Variants in ECE1 observed in about 807,000 individuals in gnomAD.
ECE1 encodes endothelin converting enzyme 1.
ECE1 carries 35 observed loss-of-function variants against 98.6 expected under a neutral mutation model. The observed-to-expected ratio is 0.35, with a 90% CI of 0.27 to 0.47. The LOEUF is 0.47. Ranked by LOEUF, ECE1 falls within the 20% of genes least tolerant of loss-of-function variation. ECE1 has a pLI of 1.00. For synonymous variants in ECE1, 394 were observed against 407.1 expected (o/e 0.97, Z 0.39); for missense variants, 814 against 1,025.3 (o/e 0.79, Z 2.81).
In ECE1 at chr1:21,231,446, A is replaced by G. The variant is rs574936037; in HGVS notation, c.1670+2112T>C. Among the ~76,000 whole-genome samples the G allele has an allele frequency of 2.0e-5, 3 of 148,796 alleles. No individual in the cohort carries two copies. In the East Asian group the frequency reaches 6.1e-4, roughly 30 times the overall value. The stretch of plus-strand genomic sequence containing the variant: ...AACCTCTGCCTCCCGGGTTCAAGCG[A>G]TTCTCCTGCCTCAGGCTCCCAAGTA... On this transcript the variant is annotated intron_variant, in intron 14 of 18. Transcript: ENST00000374893.
At chr1:21,279,639 A>G (rs2098252096) in intron 2 of ECE1, 1 of 1,422,902 alleles carries the variant, frequency 7.0e-7, no homozygotes, top group Admixed American at 2.9e-5. Flanking sequence ...TTCTCCAGTG[A>G]GGAGTTCAAA....
intron 14 of ECE1, among the ~76,000 whole-genome samples, 193 bp from the exon 15 acceptor site, chr1:21,228,234 C>T (rs1043326508): frequency 6.6e-6 from 1 of 152,114 alleles, no homozygotes; most frequent in Non-Finnish European, 1.5e-5. Flanking sequence ...GGGTCTCGTT[C>T]TGTCGCCTAG....
chr1:21,306,366 C>T (rs978040026), intron 1 of ECE1, among the ~76,000 whole-genome samples: 2 of 144,302 alleles, frequency 1.4e-5, no homozygotes, highest in Admixed American at 7.0e-5. Context: ...TTTGGAGTTT[C>T]GCTCTTGTTG....
intron 1 of ECE1, among the ~76,000 whole-genome samples, chr1:21,343,877 G>A (rs1358007237): frequency 6.6e-6 from 1 of 152,166 alleles, no homozygotes; most frequent in Non-Finnish European, 1.5e-5. Context: ...GGGCTTAGAG[G>A]CAGAGGGGAT....
chr1:21,229,978 C>A (rs1350023958), intron 14 of ECE1, among the ~76,000 whole-genome samples: 1 of 151,818 alleles, frequency 6.6e-6, no homozygotes, highest in East Asian at 1.9e-4. Context: ...TGAGACCAGC[C>A]TGGGCAAAAA....
intron 10 of ECE1, among the ~76,000 whole-genome samples, chr1:21,242,412 A>G (rs2098197729): frequency 6.6e-6 from 1 of 152,118 alleles, no homozygotes; most frequent in Admixed American, 6.6e-5. Flanking sequence ...GTCAGGAGTG[A>G]TCTCCAATTG....
At chr1:21,247,405 T>G (rs1410158393) in intron 8 of ECE1, 42 bp from the exon 9 acceptor site, 24 of 1,613,830 alleles carry the variant, frequency 1.5e-5, no homozygotes, top group Non-Finnish European at 1.9e-5. Flanking sequence ...GGGCTGCTCC[T>G]CCTCACAGCC....
chr1:21,332,147 C>T (rs1213662288), intron 1 of ECE1, among the ~76,000 whole-genome samples: 2 of 152,152 alleles, frequency 1.3e-5, no homozygotes, highest in African/African-American at 4.8e-5. Context: ...ATCTGCCAGA[C>T]AGACATGCTT....
chr1:21,253,589 G>A (rs1278191298), intron 8 of ECE1, among the ~76,000 whole-genome samples: 1 of 147,016 alleles, frequency 6.8e-6, no homozygotes, highest in African/African-American at 2.5e-5. Flanking sequence ...GGTGAAACCC[G>A]GTCTCTACTA....
chr1:21,239,298 G>C (rs28368006), intron 10 of ECE1, among the ~76,000 whole-genome samples: 9 of 152,278 alleles, frequency 5.9e-5, no homozygotes, highest in Non-Finnish European at 1.3e-4. Context: ...GTCACTCCCC[G>C]GCCAGGCATC....
At chr1:21,281,498 C>T (rs1044590521) in intron 2 of ECE1, among the ~76,000 whole-genome samples, 4 of 152,176 alleles carry the variant, frequency 2.6e-5, no homozygotes, top group Non-Finnish European at 4.4e-5. Flanking sequence ...TCAGTTATCT[C>T]ACACACTTTA....
chr1:21,243,501 G>C (rs754011009), intron 10 of ECE1, among the ~76,000 whole-genome samples: 11 of 151,828 alleles, frequency 7.2e-5, no homozygotes, highest in Admixed American at 2.6e-4. Flanking sequence ...CTACAGGCGT[G>C]AGCCACCACA....
intron 4 of ECE1, among the ~76,000 whole-genome samples, chr1:21,265,012 TTTTTGAGCCC>T (rs1224538174): frequency 3.3e-5 from 5 of 152,196 alleles, no homozygotes; most frequent in Admixed American, 3.3e-4. Flanking sequence ...CTACTTGATG[TTTTTGAGCCC>T]TTCTCTTTAC....
intron 10 of ECE1, among the ~76,000 whole-genome samples, chr1:21,241,251 G>A (rs2098195812): frequency 6.6e-6 from 1 of 151,888 alleles, no homozygotes; most frequent in African/African-American, 2.4e-5. Flanking sequence ...GGCCAGTCTG[G>A]TCTCGAACTC....
chr1:21,325,871 C>T lies in ECE1; in HGVS notation c.3+19505G>A, dbSNP rs542849547. On this transcript the variant is annotated intron_variant, in intron 1 of 18. Coordinates refer to the ECE1 transcript ENST00000415912. ...CAGGGAGTCCTGCCTACTGTCCCGACGCCACCCAGAGGCTCAAGGGGTGCC... is the reference window on the plus strand; with the variant it reads ...CAGGGAGTCCTGCCTACTGTCCCGATGCCACCCAGAGGCTCAAGGGGTGCC... Among the ~76,000 whole-genome samples, 61 of 152,334 alleles carry T rather than the reference C, an allele frequency of 4.0e-4. 1 individual carries two copies. The highest frequency in any genetic ancestry group is 1.4e-3 in the African/African-American group (58 of 41,580).
At chr1:21,229,251 A>G (rs1327212865) in intron 14 of ECE1, among the ~76,000 whole-genome samples, 3 of 151,126 alleles carry the variant, frequency 2.0e-5, no homozygotes, top group Non-Finnish European at 4.4e-5. Flanking sequence ...TGGCATGATC[A>G]TGGCTCCCTA....
intron 6 of ECE1, among the ~76,000 whole-genome samples, chr1:21,257,803 C>T (rs1158083751): frequency 1.3e-5 from 2 of 152,150 alleles, no homozygotes; most frequent in African/African-American, 4.8e-5. Context: ...CCGCAGGGCT[C>T]CTGGGCTCCT....
chr1:21,345,469 C>G lies in ECE1; in HGVS notation c.-91G>C, dbSNP rs560572878. Reference sequence around the variant, plus strand: ...GTTCCCTGCTCCCAGCCCAGCTGCTCGGACGGCTCGGCTGCCTGGCCCAGG... The same window carrying G: ...GTTCCCTGCTCCCAGCCCAGCTGCTGGGACGGCTCGGCTGCCTGGCCCAGG... On this transcript the variant is annotated 5_prime_UTR_variant, in exon 1 of 19. Transcript: ENST00000415912. The surrounding 1 kb of genome is among the most constrained non-coding windows in gnomAD (Gnocchi z 5.1). The G allele has an allele frequency of 1.7e-6, 2 of 1,171,066 alleles. No individual in the cohort carries two copies. The highest frequency in any genetic ancestry group is 1.1e-6 in the Non-Finnish European group (1 of 925,012). 72.5% of individuals were successfully genotyped at this position (1,171,066 alleles called of 1,614,324 possible).
chr1:21,311,573 C>T (rs539350295), intron 1 of ECE1, among the ~76,000 whole-genome samples: 18 of 149,870 alleles, frequency 1.2e-4, no homozygotes, highest in Non-Finnish European at 1.8e-4. Context: ...CCAGCACTTT[C>T]GGAGGTCGAG....
Sources: gnomAD v4.1 joint callset for allele counts (sites outside exome capture counted in the v4.1 genomes callset) on GRCh38, gnomAD v4.1.1 for gene constraint, Gnocchi (gnomAD v3.1) non-coding constraint, MANE v1.5 for transcripts, NCBI Gene and HGNC (gene_info 2026-07-23, HGNC 2026-07-21) for gene names.